ME2: variants seen among roughly 807,000 people sequenced by gnomAD.
The protein encoded by ME2 is NAD-dependent malic enzyme, mitochondrial.
ME2 carries 60 observed loss-of-function variants against 73.7 expected under a neutral mutation model. The observed-to-expected ratio is 0.81, with a 90% CI of 0.66 to 1.01. ME2 has a LOEUF of 1.01. Ranked by LOEUF, ME2 falls within the 50% of genes least tolerant of loss-of-function variation. The pLI is 0.00. For missense variants in ME2, 594 were observed against 705.5 expected, an observed-to-expected ratio of 0.84 and a Z score of 1.79; for synonymous variants, 199 against 236.9, an observed-to-expected ratio of 0.84 and a Z score of 1.47.
intron 2 of ME2, among the ~76,000 whole-genome samples, chr18:50,896,227 CAT>C (rs1380935984): frequency 6.6e-6 from 1 of 152,192 alleles, no homozygotes; most frequent in Non-Finnish European, 1.5e-5. Flanking sequence ...CTTTGGGCCA[CAT>C]GTGAGATATT....
In ME2 at chr18:50,949,873, G is replaced by C. The variant is rs1226524863; in HGVS notation, c.*2689G>C. ...ATTGGATGTAAATTAAAGTAAAATT[G>C]CTTAATATTTAAGCTAAGAATACAG... On this transcript the variant is annotated 3_prime_UTR_variant, in exon 16 of 16. Transcript: ENST00000321341. 1 of 152,094 alleles carries C rather than the reference G, an allele frequency of 6.6e-6. No individual in the cohort carries two copies. The highest frequency in any genetic ancestry group is 1.5e-5 in the Non-Finnish European group (1 of 68,028). 9.4% of individuals were successfully genotyped at this position (152,094 alleles called of 1,614,324 possible). A position where few individuals can be genotyped will look rare whatever the true frequency, so the allele number is the denominator to read the frequency against.
chr18:50,925,989 C>A, intron 12 of ME2, 91 bp downstream of exon 12: 1 of 914,426 alleles, frequency 1.1e-6, no homozygotes, highest in Non-Finnish European at 1.7e-6. Flanking sequence ...CTAATGGTTT[C>A]CCTAGAGATT....
intron 13 of ME2, chr18:50,939,277 T>C (rs1340660528): frequency 4.0e-6 from 1 of 246,932 alleles, no homozygotes; most frequent in East Asian, 9.3e-5. Context: ...AGAGGTGGGC[T>C]GGGAACTGGA....
At chr18:50,900,717 C>T (rs1265696290) in intron 2 of ME2, among the ~76,000 whole-genome samples, 2 of 152,082 alleles carry the variant, frequency 1.3e-5, no homozygotes, top group Non-Finnish European at 2.9e-5. Flanking sequence ...GTAACTGAAT[C>T]GTGGGGGTGG....
Position 50,895,842 on chromosome 18 carries a change from G to A in ME2, c.22G>A (p.Val8Ile). 1.9e-6 allele frequency: 3 copies of A among 1,612,996 alleles called. No individual in the cohort carries two copies. Among genetic ancestry groups the A allele is most frequent in the African/African-American group, 1.3e-5 (1 of 74,990 alleles). MLSRLRV[V>I]STTCTLACRH... is the part of the protein sequence containing the mutation. ...AAAGATGTTGTCCCGGTTAAGAGTA[G>A]TTTCCACCACTTGTACTTTGGCATG... The change falls in exon 2 of 16, where the codon GTT becomes ATT. Residue 8 changes from valine (V) to isoleucine (I), a missense_variant. Physicochemically the swap from Val to Ile is conservative, Grantham distance 29. Transcript: ENST00000321341.
chr18:50,921,394 T>A (rs781222129), intron 10 of ME2, among the ~76,000 whole-genome samples: 2 of 151,972 alleles, frequency 1.3e-5, no homozygotes, highest in Non-Finnish European at 2.9e-5. Context: ...ATCTCTATGT[T>A]GGCATCAGAC....
chr18:50,953,197 T>TC lies in ME2; in HGVS notation c.*6013_*6014insC, dbSNP rs1389548080. The TC allele has an allele frequency of 3.9e-5, 6 of 152,036 alleles. No homozygotes were observed. Among genetic ancestry groups the TC allele is most frequent in the African/African-American group, 7.2e-5 (3 of 41,428 alleles). 9.4% of individuals were successfully genotyped at this position (152,036 alleles called of 1,614,324 possible). On this transcript the variant is annotated 3_prime_UTR_variant, in exon 16 of 16. Coordinates refer to ENST00000321341, the MANE Select transcript of ME2 (RefSeq NM_002396.5). ...TCACTGCAAGCTCCGCCTCCCGGGT[T>TC]ATGCCATTCTCCTGCCTCAGCCTTC...
intron 2 of ME2, among the ~76,000 whole-genome samples, chr18:50,896,167 GC>G (rs1168800587): frequency 6.6e-6 from 1 of 152,032 alleles, no homozygotes; most frequent in Non-Finnish European, 1.5e-5. Context: ...CCTAGTTCTA[GC>G]TTTAAAAAAT....
chr18:50,937,636 A>G (rs568832361), intron 13 of ME2, among the ~76,000 whole-genome samples: 17 of 152,290 alleles, frequency 1.1e-4, no homozygotes, highest in South Asian at 1.0e-3. Flanking sequence ...AAAATTATCA[A>G]TATCCTCAGG....
chr18:50,897,014 G>A (rs1235761804), intron 2 of ME2, among the ~76,000 whole-genome samples: 1 of 152,168 alleles, frequency 6.6e-6, no homozygotes, highest in African/African-American at 2.4e-5. Context: ...CAGTTCTCCT[G>A]TAGAACCTTT....
Position 50,880,539 on chromosome 18 carries a change from C to T in ME2, c.-13+1231C>T, listed in dbSNP as rs142363725. Among the ~76,000 whole-genome samples, 264 of 152,288 alleles carry T rather than the reference C, an allele frequency of 1.7e-3. 1 individual carries two copies. Among genetic ancestry groups the T allele is most frequent in the African/African-American group, 6.0e-3 (250 of 41,550 alleles). Reference sequence around the variant, plus strand: ...CGGTGGCTCACGCATGTAATTCCAGCACTTCTGGGAGGCCGACGTGGGTGG... The same window carrying T: ...CGGTGGCTCACGCATGTAATTCCAGTACTTCTGGGAGGCCGACGTGGGTGG... On this transcript the variant is annotated intron_variant, in intron 1 of 15. Transcript: ENST00000321341.
At chr18:50,892,267 C>T (rs1161994483) in intron 1 of ME2, among the ~76,000 whole-genome samples, 1 of 152,134 alleles carries the variant, frequency 6.6e-6, no homozygotes, top group African/African-American at 2.4e-5. Context: ...TGTGCTCTTT[C>T]AAATATATAT....
In ME2 at chr18:50,917,504, A is replaced by C. The variant is rs549479322; in HGVS notation, c.626A>C (p.Asn209Thr). The change falls in exon 6 of 16, where the codon AAT becomes ACT. Residue 209 changes from asparagine (N) to threonine (T), a missense_variant. Coordinates refer to ENST00000321341, the MANE Select transcript of ME2 (RefSeq NM_002396.5). ...GTGTGTATTGATGTGGGAACTGATA[A>C]TATCGTGAGTAACATCATTTTCCCC... ...LPVCIDVGTD[N>T]IALLKDPFYM... 1.8e-5 allele frequency: 28 copies of C among 1,580,102 alleles called. No individual in the cohort carries two copies. The highest frequency in any genetic ancestry group is 1.0e-4 in the Admixed American group (6 of 59,390).
At chr18:50,886,116 A>ATG (rs199536380) in intron 1 of ME2, among the ~76,000 whole-genome samples, 25 of 129,830 alleles carry the variant, frequency 1.9e-4, no homozygotes, top group Admixed American at 1.5e-3. Context: ...TTCTATATAT[A>ATG]TGTGTGTGTG....
intron 8 of ME2, 34 bp downstream of exon 8, chr18:50,920,599 A>G (rs1483397945): frequency 7.0e-6 from 11 of 1,569,620 alleles, no homozygotes; most frequent in Non-Finnish European, 9.5e-6. Flanking sequence ...TTTGATTCCT[A>G]CTTTTTAAAC....
intron 11 of ME2, among the ~76,000 whole-genome samples, chr18:50,924,443 T>A (rs558688590): frequency 1.9e-4 from 28 of 150,524 alleles, no homozygotes; most frequent in African/African-American, 7.0e-4. Context: ...GCTTTTAGAG[T>A]TGGTATGACT....
chr18:50,885,668 G>GTA (rs1036120151), intron 1 of ME2, among the ~76,000 whole-genome samples: 87 of 151,134 alleles, frequency 5.8e-4, no homozygotes, highest in African/African-American at 1.7e-3. Flanking sequence ...AAGCTACTTG[G>GTA]TATATATATA....
At chr18:50,882,368 A>G (rs1008323784) in intron 1 of ME2, among the ~76,000 whole-genome samples, 3 of 152,190 alleles carry the variant, frequency 2.0e-5, no homozygotes, top group African/African-American at 7.2e-5. Flanking sequence ...GGTTTTTTAA[A>G]GCAAACTTTG....
chr18:50,920,122 A>G (rs1203088802), intron 7 of ME2, among the ~76,000 whole-genome samples: 1 of 152,172 alleles, frequency 6.6e-6, no homozygotes, highest in Non-Finnish European at 1.5e-5. Flanking sequence ...CTGTTTAACT[A>G]TTAATGTAAT....
Sources: allele counts gnomAD v4.1 joint callset (sites outside exome capture counted in the v4.1 genomes callset), GRCh38; gene constraint gnomAD v4.1.1; transcripts MANE v1.5; gene names NCBI Gene and HGNC (gene_info 2026-07-23, HGNC 2026-07-21).